DNTT: variants seen among roughly 807,000 people sequenced by gnomAD.
DNTT encodes the protein DNA nucleotidylexotransferase.
Under a neutral mutation model 60.9 loss-of-function variants are expected in DNTT, and 47 were observed. The ratio of observed to expected loss-of-function variants is 0.77; its 90% CI spans 0.61 to 0.98. The LOEUF (loss-of-function observed/expected upper bound fraction) is 0.98. Among genes scored for constraint, DNTT ranks in the 50% least tolerant of loss-of-function variants. The probability of loss-of-function intolerance (pLI) is 0.00; values close to 1 mark genes in which losing one functional copy is unlikely to be tolerated. For missense variants in DNTT, 665 were observed against 627.5 expected (o/e 1.06, Z -0.64); for synonymous variants, 224 against 221.2 (o/e 1.01, Z -0.11).
intron 4 of DNTT, among the ~76,000 whole-genome samples, chr10:96,322,453 G>C (rs1385941440): frequency 6.6e-6 from 1 of 152,190 alleles, no homozygotes; most frequent in Non-Finnish European, 1.5e-5. Context: ...GGATCGTAAA[G>C]GGGTCCTTGG....
chr10:96,327,613 G>T lies in DNTT; in HGVS notation c.1007+13G>T. 1 of 1,608,174 alleles carries T rather than the reference G, an allele frequency of 6.2e-7. No individual in the cohort carries two copies. On this transcript the variant is annotated intron_variant, in intron 7 of 10. Transcript: ENST00000371174. ...GAGGGTTCCGGAGGTAAATAACTTG[G>T]GTGGCTTTGCCTCCTCTGCCCGAAT...
At chr10:96,324,145 A>G (rs1844911281) in intron 5 of DNTT, 121 bp from the exon 6 acceptor site, 4 of 1,339,684 alleles carry the variant, frequency 3.0e-6, no homozygotes, top group Admixed American at 4.7e-5. Context: ...TATTCAGGAG[A>G]AACTAGGTCA....
At chr10:96,328,519 C>T (rs1000225770) in intron 7 of DNTT, among the ~76,000 whole-genome samples, 1 of 152,028 alleles carries the variant, frequency 6.6e-6, no homozygotes, top group African/African-American at 2.4e-5. Flanking sequence ...TAATCAGATA[C>T]ATGCTATGTA....
At position 96,314,402 on chromosome 10, in the gene DNTT, C is replaced by CTTTTTTTTTTTTTTTTTT. The variant is rs869059822; in HGVS notation, c.204-3939_204-3922dup. Among the ~76,000 whole-genome samples, 265 of 53,188 alleles carry CTTTTTTTTTTTTTTTTTT rather than the reference C, an allele frequency of 5.0e-3. 76 individuals are homozygous for CTTTTTTTTTTTTTTTTTT. Among genetic ancestry groups the CTTTTTTTTTTTTTTTTTT allele is most frequent in the Non-Finnish European group, 7.3e-3 (185 of 25,320 alleles). The allele number at this position is 53,188 out of a possible 152,430, so 34.9% of individuals were successfully genotyped here. A position where few individuals can be genotyped will look rare whatever the true frequency, so the allele number is the denominator to read the frequency against. ...TAACATTTCCAAGGCTATCTCTTCC[C>CTTTTTTTTTTTTTTTTTT]TTTTTTTTTTTTTTTTTTTTTTTTT... On this transcript the variant is annotated intron_variant, in intron 1 of 10. Coordinates refer to ENST00000371174, the MANE Select transcript of DNTT (RefSeq NM_004088.4).
At chr10:96,309,136 C>G (rs998386966) in intron 1 of DNTT, among the ~76,000 whole-genome samples, 1 of 152,168 alleles carries the variant, frequency 6.6e-6, no homozygotes, top group Non-Finnish European at 1.5e-5. Flanking sequence ...TAACACTTGC[C>G]AAGTTCCATT....
At chr10:96,326,823 C>T (rs916880701) in intron 6 of DNTT, among the ~76,000 whole-genome samples, 2 of 152,160 alleles carry the variant, frequency 1.3e-5, no homozygotes, top group African/African-American at 2.4e-5. Flanking sequence ...TCACCAGGCT[C>T]ATCTCCTCAC....
At chr10:96,316,168 A>T (rs1844783125) in intron 1 of DNTT, among the ~76,000 whole-genome samples, 1 of 152,118 alleles carries the variant, frequency 6.6e-6, no homozygotes, top group Non-Finnish European at 1.5e-5. Flanking sequence ...CAACTTCCTA[A>T]ATCTGATTTC....
intron 5 of DNTT, among the ~76,000 whole-genome samples, chr10:96,323,333 T>C (rs1254965639): frequency 6.6e-6 from 1 of 152,076 alleles, no homozygotes; most frequent in African/African-American, 2.4e-5. Context: ...AATCCCATCA[T>C]GAGAGCCCCA....
intron 4 of DNTT, among the ~76,000 whole-genome samples, chr10:96,322,019 G>A (rs1480626228): frequency 2.6e-5 from 4 of 152,266 alleles, no homozygotes; most frequent in Middle Eastern, 3.4e-3. Context: ...ACCTGGGGGC[G>A]CCACCTTAGA....
At chr10:96,305,995 TCTAA>T (rs1844629943) in intron 1 of DNTT, among the ~76,000 whole-genome samples, 1 of 152,160 alleles carries the variant, frequency 6.6e-6, no homozygotes, top group Middle Eastern at 3.4e-3. Flanking sequence ...CTAGATTTCA[TCTAA>T]CTGTTAAGCC....
chr10:96,312,902 A>G (rs1431664453), intron 1 of DNTT, among the ~76,000 whole-genome samples: 1 of 152,118 alleles, frequency 6.6e-6, no homozygotes, highest in Non-Finnish European at 1.5e-5. Flanking sequence ...TCATTCATTC[A>G]TCTATCCAGT....
At position 96,319,287 on chromosome 10, in the gene DNTT, C is replaced by T. The variant is rs1442683743; in HGVS notation, c.404C>T (p.Thr135Ile). 3 of 1,613,740 alleles carry T rather than the reference C, an allele frequency of 1.9e-6. No individual in the cohort carries two copies. The highest frequency in any genetic ancestry group is 2.5e-6 in the Non-Finnish European group (3 of 1,179,748). Residue 135 changes from threonine (T) to isoleucine (I), a missense_variant, in exon 3 of 11, where the codon ACC becomes ATC. Thr to Ile is a moderately conservative substitution (Grantham distance 89, BLOSUM62 -1). Coordinates refer to ENST00000371174, the MANE Select transcript of DNTT (RefSeq NM_004088.4). ...GTGAGAAGAGACTATTCAGATAGCA[C>T]CAACCCAGGCCCCCCGAAGACTCCA... ...LVVRRDYSDS[T>I]NPGPPKTPPI...
At chr10:96,327,749 GC>G in intron 7 of DNTT, 149 bp downstream of exon 7, 1 of 1,315,410 alleles carries the variant, frequency 7.6e-7, no homozygotes, top group South Asian at 1.5e-5. Flanking sequence ...TTTCATTTCA[GC>G]AACCCCAAAT....
At chr10:96,334,703 A>G (rs1845047176) in intron 9 of DNTT, among the ~76,000 whole-genome samples, 1 of 152,222 alleles carries the variant, frequency 6.6e-6, no homozygotes, top group Non-Finnish European at 1.5e-5. Flanking sequence ...TCCTAAAAAA[A>G]GGGGAAGAAA....
At chr10:96,308,842 G>A (rs892074129) in intron 1 of DNTT, among the ~76,000 whole-genome samples, 2 of 152,166 alleles carry the variant, frequency 1.3e-5, no homozygotes. Flanking sequence ...TTAAGGGTGG[G>A]GGAGATTACA....
At chr10:96,323,101 C>T (rs888290784) in intron 5 of DNTT, among the ~76,000 whole-genome samples, 23 of 152,198 alleles carry the variant, frequency 1.5e-4, no homozygotes, top group Middle Eastern at 3.4e-3. Context: ...GCCAGGAATT[C>T]GACCAGCTTG....
At chr10:96,331,925 G>A (rs1237718428) in intron 8 of DNTT, among the ~76,000 whole-genome samples, 2 of 152,018 alleles carry the variant, frequency 1.3e-5, no homozygotes, top group East Asian at 1.9e-4. Flanking sequence ...CTATAGACAC[G>A]TGCCATCATA....
chr10:96,323,987 G>A (rs1273601596), intron 5 of DNTT, among the ~76,000 whole-genome samples: 1 of 152,192 alleles, frequency 6.6e-6, no homozygotes, highest in African/African-American at 2.4e-5. Flanking sequence ...AGCACAGGCA[G>A]GCCGTCAATT....
intron 1 of DNTT, among the ~76,000 whole-genome samples, chr10:96,313,089 A>T (rs1393844910): frequency 1.3e-5 from 2 of 152,196 alleles, no homozygotes; most frequent in Non-Finnish European, 2.9e-5. Flanking sequence ...TAGGAGACTG[A>T]GGTACCAATG....
Sources: allele counts gnomAD v4.1 joint callset (sites outside exome capture counted in the v4.1 genomes callset), GRCh38; gene constraint gnomAD v4.1.1; transcripts MANE v1.5; gene names NCBI Gene and HGNC (gene_info 2026-07-23, HGNC 2026-07-21).